Variants in STAG1 observed in about 807,000 individuals in gnomAD.
The protein encoded by STAG1 is STAG1 cohesin complex component.
In STAG1, 26 loss-of-function variants were observed where a neutral mutation model predicts 170.9. That is an observed-to-expected ratio of 0.15 (90% CI 0.11 to 0.21). STAG1 has a LOEUF of 0.21. STAG1 is among the 10% of genes least tolerant of loss of function. The pLI, the probability that STAG1 is intolerant of heterozygous loss-of-function variation, is 1.00. For synonymous variants in STAG1, 514 were observed against 497.7 expected (o/e 1.03, Z -0.44); for missense variants, 964 against 1,509.5 (o/e 0.64, Z 5.99).
intron 4 of STAG1, among the ~76,000 whole-genome samples, chr3:136,573,994 A>G (rs1426105552): frequency 2.6e-5 from 4 of 151,664 alleles, no homozygotes; most frequent in Non-Finnish European, 4.4e-5. Flanking sequence ...CTGTAATCTC[A>G]GCACTCTGGG....
At chr3:136,452,455 T>C (rs920160980) in intron 13 of STAG1, among the ~76,000 whole-genome samples, 1 of 151,648 alleles carries the variant, frequency 6.6e-6, no homozygotes, top group African/African-American at 2.4e-5. Context: ...TCCCAGCTAC[T>C]TGGGAGGCTG....
At chr3:136,648,719 T>C (rs913232038) in intron 1 of STAG1, among the ~76,000 whole-genome samples, 5 of 152,154 alleles carry the variant, frequency 3.3e-5, no homozygotes, top group Non-Finnish European at 7.4e-5. Flanking sequence ...TTCTACCATA[T>C]CCTGACTATT....
chr3:136,507,138 A>C (rs186948481), intron 7 of STAG1, among the ~76,000 whole-genome samples: 1 of 152,342 alleles, frequency 6.6e-6, no homozygotes, highest in African/African-American at 2.4e-5. Context: ...TGATGGTTAC[A>C]TAGCAATTGG....
chr3:136,390,175 C>G (rs1439333759), intron 22 of STAG1, among the ~76,000 whole-genome samples: 1 of 152,010 alleles, frequency 6.6e-6, no homozygotes, highest in African/African-American at 2.4e-5. Context: ...AGCAAGCAAG[C>G]CTCTATATCT....
chr3:136,458,964 A>G (rs879753345), intron 13 of STAG1, among the ~76,000 whole-genome samples: 2 of 152,206 alleles, frequency 1.3e-5, no homozygotes, highest in Admixed American at 1.3e-4. Flanking sequence ...GCAAGCCTGT[A>G]ATCGCAGCAC....
At chr3:136,373,438 G>A (rs1350098044) in intron 23 of STAG1, among the ~76,000 whole-genome samples, 2 of 152,074 alleles carry the variant, frequency 1.3e-5, no homozygotes, top group Non-Finnish European at 2.9e-5. Context: ...TAATTGTGAT[G>A]TTACGGTGTC....
chr3:136,606,767 T>TG (rs66587275), intron 3 of STAG1, among the ~76,000 whole-genome samples: 2 of 147,118 alleles, frequency 1.4e-5, no homozygotes, highest in Non-Finnish European at 3.0e-5. Flanking sequence ...TTTTTTTTTT[T>TG]GGGGACGAAG....
chr3:136,534,024 C>T (rs758773387), intron 6 of STAG1, among the ~76,000 whole-genome samples: 10 of 152,132 alleles, frequency 6.6e-5, no homozygotes, highest in Admixed American at 6.6e-5. Flanking sequence ...AGGCTATATT[C>T]GCCAACAGAA....
At chr3:136,690,051 C>G (rs931899911) in intron 1 of STAG1, among the ~76,000 whole-genome samples, 4 of 12,342 alleles carry the variant, frequency 3.2e-4, no homozygotes, top group Non-Finnish European at 3.9e-4. Context: ...AAAGAAAAAG[C>G]AAACCAAAAA....
rs1179220728 is a variant in STAG1, at chr3:136,443,467, T to C, written c.1429-63A>G. On this transcript the variant is annotated intron_variant, in intron 14 of 33. Transcript: ENST00000383202. ...AATAAAGAAACTACTAATACTAATT[T>C]GAGTTAAGAAATCATTTTCTTCATA... 2.6e-6 allele frequency: 3 copies of C among 1,141,802 alleles called. No homozygotes were observed. The Middle Eastern group carries it at 6.0e-4, about 228-fold the overall frequency. 70.7% of individuals were successfully genotyped at this position (1,141,802 alleles called of 1,614,324 possible). A position where few individuals can be genotyped will look rare whatever the true frequency, so the allele number is the denominator to read the frequency against.
At chr3:136,743,498 T>C (rs1418538852) in intron 1 of STAG1, among the ~76,000 whole-genome samples, 1 of 151,658 alleles carries the variant, frequency 6.6e-6, no homozygotes, top group Non-Finnish European at 1.5e-5. Context: ...AATGAACCAA[T>C]TTCCCTAAAC....
intron 4 of STAG1, among the ~76,000 whole-genome samples, chr3:136,592,257 T>G (rs2107794017): frequency 6.6e-6 from 1 of 152,306 alleles, no homozygotes; most frequent in South Asian, 2.1e-4. Context: ...TGTCATGGGA[T>G]GGACCCAGTA....
chr3:136,355,351 TAAAAAAAAAAAA>T (rs370605205), intron 28 of STAG1, among the ~76,000 whole-genome samples: 6 of 29,966 alleles, frequency 2.0e-4, no homozygotes, highest in South Asian at 1.8e-3. Flanking sequence ...GACTCCATCT[TAAAAAAAAAAAA>T]AAAAAAAAAA....
At chr3:136,405,229 CTCTTT>C (rs1560091757) in intron 21 of STAG1, among the ~76,000 whole-genome samples, 3 of 118,538 alleles carry the variant, frequency 2.5e-5, no homozygotes, top group Non-Finnish European at 3.6e-5. Context: ...ATGAAAAAAC[CTCTTT>C]TTTTTTTTTT....
chr3:136,639,796 C>T (rs956568898), intron 1 of STAG1, among the ~76,000 whole-genome samples: 8 of 152,076 alleles, frequency 5.3e-5, no homozygotes, highest in African/African-American at 1.9e-4. Context: ...CAACATTTAA[C>T]AAAAATACAC....
chr3:136,737,434 C>T (rs1005092650), intron 1 of STAG1, among the ~76,000 whole-genome samples: 22 of 152,112 alleles, frequency 1.4e-4, no homozygotes, highest in African/African-American at 5.1e-4. Flanking sequence ...ACAGGGGTTT[C>T]GCCATGTTAG....
chr3:136,608,738 A>C (rs1325948288), intron 3 of STAG1, among the ~76,000 whole-genome samples: 1 of 138,478 alleles, frequency 7.2e-6, no homozygotes, highest in Non-Finnish European at 1.5e-5. Context: ...GGGGAGGTGG[A>C]GTCTGCAGTG....
At chr3:136,359,764 C>T (rs376290452) in intron 26 of STAG1, among the ~76,000 whole-genome samples, 6 of 152,196 alleles carry the variant, frequency 3.9e-5, no homozygotes, top group African/African-American at 1.4e-4. Context: ...CTGCCCTGGG[C>T]TCCCAAAATG....
At chr3:136,717,213 T>A (rs1178748361) in intron 1 of STAG1, among the ~76,000 whole-genome samples, 3 of 152,248 alleles carry the variant, frequency 2.0e-5, no homozygotes, top group African/African-American at 7.2e-5. Context: ...TATCTTATGA[T>A]ATTATAATAT....
Sources: allele counts gnomAD v4.1 joint callset (sites outside exome capture counted in the v4.1 genomes callset), GRCh38; gene constraint gnomAD v4.1.1; transcripts MANE v1.5; gene names NCBI Gene and HGNC (gene_info 2026-07-23, HGNC 2026-07-21).